Variants in CX3CR1 observed in about 807,000 individuals in gnomAD.
CX3CR1 encodes CX3C chemokine receptor 1.
For synonymous variants in CX3CR1, 168 were observed against 178.5 expected (o/e 0.94, Z 0.47); for missense variants, 363 against 432.4 (o/e 0.84, Z 1.42).
chr3:39,281,449 T>C (rs555867596), upstream of CX3CR1, among the ~76,000 whole-genome samples: 2 of 152,012 alleles, frequency 1.3e-5, no homozygotes, highest in South Asian at 2.1e-4. Flanking sequence ...AGACTCTCCC[T>C]CTCTTCCTGT....
At chr3:39,283,917 TA>T (rs1295018334), upstream of CX3CR1, among the ~76,000 whole-genome samples, 8 of 140,562 alleles carry the variant, frequency 5.7e-5, no homozygotes, top group African/African-American at 2.1e-4. Context: ...GGCACTATAG[TA>T]AAAAAAATTT....
At chr3:39,268,570 C>T (rs2040732688) in intron 1 of CX3CR1, among the ~76,000 whole-genome samples, 1 of 152,190 alleles carries the variant, frequency 6.6e-6, no homozygotes, top group South Asian at 2.1e-4. Flanking sequence ...TCTCCCTCCC[C>T]TTCCCCCAGT....
At chr3:39,288,977 C>T in the CX3CR1 span, among the ~76,000 whole-genome samples, 1 of 151,998 alleles carries the variant, frequency 6.6e-6, no homozygotes, top group East Asian at 1.9e-4. Flanking sequence ...CCAGCCTGAC[C>T]AACACATCTC....
At chr3:39,285,171 C>T (rs909447300), upstream of CX3CR1, among the ~76,000 whole-genome samples, 5 of 143,170 alleles carry the variant, frequency 3.5e-5, no homozygotes, top group Non-Finnish European at 6.0e-5. Flanking sequence ...TCCAGGAGTT[C>T]GAGACCAGCC....
chr3:39,276,589 A>G (rs1310716628), intron 1 of CX3CR1, among the ~76,000 whole-genome samples: 1 of 152,210 alleles, frequency 6.6e-6, no homozygotes, highest in South Asian at 2.1e-4. Flanking sequence ...CTTGCTGCGT[A>G]GGATTCCACT....
In CX3CR1 at chr3:39,266,241, TAGTG is replaced by T. The variant is rs1330847322; in HGVS notation, c.265_268del (p.His89IlefsTer2). 1.2e-5 allele frequency: 20 copies of T among 1,614,036 alleles called. No homozygotes were observed. The highest frequency in any genetic ancestry group is 1.7e-5 in the Non-Finnish European group (20 of 1,180,040). ...GTGGAGGCCCTTTTCATTTATCAAATAGTGAGTCCAGAAGGGCAAAGTGGCTACA... is the reference window on the plus strand; with the variant it reads ...GTGGAGGCCCTTTTCATTTATCAAATAGTCCAGAAGGGCAAAGTGGCTACA... On this transcript the variant is annotated frameshift_variant, in exon 2 of 2. Transcript: ENST00000399220. LOFTEE classifies it low-confidence loss of function (END_TRUNC).
At chr3:39,278,050 C>T (rs2040858553) in intron 1 of CX3CR1, among the ~76,000 whole-genome samples, 1 of 152,204 alleles carries the variant, frequency 6.6e-6, no homozygotes, top group Admixed American at 6.5e-5. Context: ...ACTTAGCAAG[C>T]CCAGTGCACA....
the CX3CR1 span, among the ~76,000 whole-genome samples, chr3:39,288,521 TG>T: frequency 5.9e-5 from 9 of 152,036 alleles, no homozygotes; most frequent in Non-Finnish European, 1.2e-4. Flanking sequence ...CTGGTGTCTC[TG>T]GCTCTCACCA....
chr3:39,265,332 G>T lies in CX3CR1; in HGVS notation c.*110C>A. 1 of 1,153,548 alleles carries T rather than the reference G, an allele frequency of 8.7e-7. No homozygotes were observed. Among genetic ancestry groups the T allele is most frequent in the Non-Finnish European group, 1.2e-6 (1 of 811,890 alleles). The allele number at this position is 1,153,548 out of a possible 1,614,324, so 71.5% of individuals were successfully genotyped here. A position where few individuals can be genotyped will look rare whatever the true frequency, so the allele number is the denominator to read the frequency against. ...TCTAGGGTTGTTTTGTGTGCATTGG[G>T]TCCATCATTTTGTGCCTGTAAGAAA... On this transcript the variant is annotated 3_prime_UTR_variant, in exon 2 of 2. Transcript: ENST00000399220.
Position 39,265,589 on chromosome 3 carries a change from C to A in CX3CR1, c.921G>T (p.Leu307=). Residue 307 remains leucine, a synonymous_variant, in exon 2 of 2, where the codon CTG becomes CTT. Coordinates refer to ENST00000399220, the MANE Select transcript of CX3CR1 (RefSeq NM_001337.4). Reference sequence around the variant, plus strand: ...ACAGGACAGCCAGGCATTTCCCATACAGGTGGTAAAGGTATCTTCTGAACT... The same window carrying A: ...ACAGGACAGCCAGGCATTTCCCATAAAGGTGGTAAAGGTATCTTCTGAACT... ...GEKFRRYLYH[L]YGKCLAVLCG... 1 of 1,614,178 alleles carries A rather than the reference C, an allele frequency of 6.2e-7. No individual in the cohort carries two copies. Among genetic ancestry groups the A allele is most frequent in the Non-Finnish European group, 8.5e-7 (1 of 1,180,032 alleles).
At chr3:39,271,764 C>T (rs926326766) in intron 1 of CX3CR1, among the ~76,000 whole-genome samples, 4 of 152,216 alleles carry the variant, frequency 2.6e-5, no homozygotes, top group South Asian at 2.1e-4. Context: ...AATCTGACAT[C>T]GCTGAAGCTG....
chr3:39,267,852 T>G (rs2040724570), intron 1 of CX3CR1, among the ~76,000 whole-genome samples: 1 of 152,206 alleles, frequency 6.6e-6, no homozygotes, highest in African/African-American at 2.4e-5. Context: ...CAGGCTGCAC[T>G]CCCCTTCTTT....
chr3:39,288,528 C>T, the CX3CR1 span, among the ~76,000 whole-genome samples: 1 of 151,902 alleles, frequency 6.6e-6, no homozygotes, highest in Non-Finnish European at 1.5e-5. Flanking sequence ...CTCTGGCTCT[C>T]ACCAGCAACC....
At position 39,265,532 on chromosome 3, in the gene CX3CR1, T is replaced by A; in HGVS notation, c.978A>T (p.Ser326=). ...CATGCCTGCTCCTTTGTGATTCAGA[T>A]GAGGAGAAATCAACGTGGACTGAGC... ...CGRSVHVDFS[S]SESQRSRHGS... Residue 326 remains serine, a synonymous_variant, in exon 2 of 2, where the codon TCA becomes TCT. Transcript: ENST00000399220. The A allele has an allele frequency of 6.2e-7, 1 of 1,614,184 alleles. No homozygotes were observed. Among genetic ancestry groups the A allele is most frequent in the South Asian group, 1.1e-5 (1 of 91,078 alleles).
At chr3:39,276,711 ATC>A (rs1199121549) in intron 1 of CX3CR1, among the ~76,000 whole-genome samples, 7 of 152,244 alleles carry the variant, frequency 4.6e-5, no homozygotes. Flanking sequence ...GTGCATGTAC[ATC>A]TCCTACAACG....
Position 39,266,089 on chromosome 3 carries a change from G to T in CX3CR1, c.421C>A (p.Arg141=), listed in dbSNP as rs765122831. The stretch of plus-strand genomic sequence containing the variant: ...ATGGTGACGCCATGCTGCACGGTCC[G>T]GTTGTTCATGGAGTTGGCGGCCAGG... ...IVLAANSMNN[R]TVQHGVTISL... Residue 141 remains arginine (R), a synonymous_variant, in exon 2 of 2, where the codon CGG becomes AGG. Coordinates refer to ENST00000399220, the MANE Select transcript of CX3CR1 (RefSeq NM_001337.4). 1 of 1,614,080 alleles carries T rather than the reference G, an allele frequency of 6.2e-7. No individual in the cohort carries two copies. The highest frequency in any genetic ancestry group is 1.3e-5 in the African/African-American group (1 of 74,920).
Position 39,265,700 on chromosome 3 carries a change from A to G in CX3CR1, c.810T>C (p.Asp270=), listed in dbSNP as rs1334070796. The change falls in exon 2 of 2, where the codon GAT becomes GAC. Residue 270 remains aspartate (D), a synonymous_variant. Transcript: ENST00000399220. ...DFFPSCDMRK[D]LRLALSVTET... ...CAGTCACACTGAGGGCCAGCCTCAG[A>G]TCCTTCCTCATGTCACAACTGGGAA... is the stretch of plus-strand genomic sequence containing the variant. The G allele has an allele frequency of 1.2e-6, 2 of 1,614,070 alleles. No individual in the cohort carries two copies. Among genetic ancestry groups the G allele is most frequent in the African/African-American group, 2.7e-5 (2 of 74,928 alleles).
upstream of CX3CR1, among the ~76,000 whole-genome samples, chr3:39,282,584 G>GTGA (rs1188722930): frequency 6.6e-6 from 1 of 152,152 alleles, no homozygotes; most frequent in Admixed American, 6.5e-5. Flanking sequence ...ACCCTGGACA[G>GTGA]TGATGGGTGT....
chr3:39,278,650 C>CT (rs2040865358), intron 1 of CX3CR1, among the ~76,000 whole-genome samples: 3 of 115,372 alleles, frequency 2.6e-5, no homozygotes, highest in African/African-American at 6.5e-5. Context: ...ATTTTTTTTT[C>CT]TTTTCTTTTT....
Sources: allele counts gnomAD v4.1 joint callset (sites outside exome capture counted in the v4.1 genomes callset), GRCh38; gene constraint gnomAD v4.1.1; transcripts MANE v1.5; gene names NCBI Gene and HGNC (gene_info 2026-07-23, HGNC 2026-07-21).